Variants in DTL observed in about 807,000 individuals in gnomAD.
The protein encoded by DTL is denticleless protein homolog.
In DTL, 46 loss-of-function variants were observed where a neutral mutation model predicts 87.0. That is an observed-to-expected ratio of 0.53 (90% CI 0.42 to 0.68). The LOEUF (loss-of-function observed/expected upper bound fraction) is 0.68. Ranked by LOEUF, DTL falls within the 30% of genes least tolerant of loss-of-function variation. DTL has a pLI of 0.00. For synonymous variants in DTL, 308 were observed against 311.2 expected, an observed-to-expected ratio of 0.99 and a Z score of 0.11; for missense variants, 737 against 869.4, an observed-to-expected ratio of 0.85 and a Z score of 1.91.
intron 13 of DTL, among the ~76,000 whole-genome samples, chr1:212,092,041 T>G (rs1358856079): frequency 6.6e-6 from 1 of 152,200 alleles, no homozygotes; most frequent in Non-Finnish European, 1.5e-5. Flanking sequence ...AGTGGTGATT[T>G]CTGAAATTTG....
At chr1:212,051,647 T>C in intron 5 of DTL, 1 of 841,216 alleles carries the variant, frequency 1.2e-6, no homozygotes, top group Non-Finnish European at 2.0e-6. Flanking sequence ...TACCTTTCTC[T>C]TTGGCTTCTT....
chr1:212,064,869 C>A, intron 6 of DTL, 48 bp from the exon 7 acceptor site: 1 of 1,419,888 alleles, frequency 7.0e-7, no homozygotes, highest in Non-Finnish European at 1.0e-6. Context: ...ATGTTATATT[C>A]AGCATGTAAG....
At chr1:212,080,592 C>G in intron 12 of DTL, 23 bp from the exon 13 acceptor site, 1 of 1,593,638 alleles carries the variant, frequency 6.3e-7, no homozygotes, top group South Asian at 1.1e-5. Flanking sequence ...TTTCTTAATT[C>G]CCTTCTTGGT....
intron 7 of DTL, among the ~76,000 whole-genome samples, chr1:212,066,279 G>T (rs1233932014): frequency 1.3e-5 from 2 of 152,060 alleles, no homozygotes; most frequent in Non-Finnish European, 2.9e-5. Flanking sequence ...GCAGATAGTA[G>T]AGGCCATATG....
At chr1:212,068,112 C>G in intron 8 of DTL, 112 bp from the exon 9 acceptor site, 2 of 632,302 alleles carry the variant, frequency 3.2e-6, no homozygotes, top group South Asian at 4.3e-5. Context: ...CTTACTGTAC[C>G]TAGTTAATGT....
At chr1:212,098,461 A>G (rs755897262) in intron 13 of DTL, among the ~76,000 whole-genome samples, 8 of 152,038 alleles carry the variant, frequency 5.3e-5, no homozygotes, top group Non-Finnish European at 1.2e-4. Flanking sequence ...TTCTCAGGCA[A>G]TGAGCAGGGC....
intron 13 of DTL, among the ~76,000 whole-genome samples, chr1:212,090,479 GAAT>G (rs762246160): frequency 1.3e-5 from 2 of 152,210 alleles, no homozygotes; most frequent in African/African-American, 4.8e-5. Flanking sequence ...TTGTGACTGA[GAAT>G]AAATAAATAC....
chr1:212,102,346 A>T lies in DTL; in HGVS notation c.2095-496A>T, dbSNP rs749785427. Among the ~76,000 whole-genome samples the T allele has an allele frequency of 2.6e-5, 4 of 152,180 alleles. No individual in the cohort carries two copies. In the East Asian group the frequency reaches 7.7e-4, roughly 29 times the overall value. ...TAGCAGAAAAGTAGTTTCAATGAAA[A>T]ACTATTTTCACTGATACATAAATCT... On this transcript the variant is annotated intron_variant, in intron 14 of 14. Transcript: ENST00000366991.
chr1:212,060,773 T>C (rs1654264712), intron 5 of DTL, among the ~76,000 whole-genome samples: 1 of 149,852 alleles, frequency 6.7e-6, no homozygotes, highest in Non-Finnish European at 1.5e-5. Context: ...GTATAAAGAC[T>C]TAAATGTAAG....
intron 5 of DTL, among the ~76,000 whole-genome samples, chr1:212,050,870 A>C (rs1667950647): frequency 6.6e-6 from 1 of 152,090 alleles, no homozygotes; most frequent in African/African-American, 2.4e-5. Flanking sequence ...AAGGTTATTA[A>C]TTATCTAATT....
At chr1:212,049,524 G>A (rs754837950) in intron 5 of DTL, among the ~76,000 whole-genome samples, 6 of 152,182 alleles carry the variant, frequency 3.9e-5, no homozygotes, top group Non-Finnish European at 7.3e-5. Flanking sequence ...GTGACAATGA[G>A]CTGTAGAAGA....
At chr1:212,080,423 T>A in intron 12 of DTL, 192 bp from the exon 13 acceptor site, 9 of 517,878 alleles carry the variant, frequency 1.7e-5, no homozygotes, top group Non-Finnish European at 3.0e-5. Flanking sequence ...AAGAGTCAGC[T>A]TTGTTGGAAA....
In DTL at chr1:212,104,722, G is replaced by A. The variant is rs1447168937; in HGVS notation, c.*1782G>A. The A allele has an allele frequency of 6.6e-6, 1 of 152,154 alleles. No homozygotes were observed. Among genetic ancestry groups the A allele is most frequent in the East Asian group, 1.9e-4 (1 of 5,196 alleles). 9.4% of individuals were successfully genotyped at this position (152,154 alleles called of 1,614,324 possible). ...ATACCGAGTCTACTGGGTATAACATGTCTCACTTGGAAAGCTAGTACTTTT... is the reference window on the plus strand; with the variant it reads ...ATACCGAGTCTACTGGGTATAACATATCTCACTTGGAAAGCTAGTACTTTT... On this transcript the variant is annotated 3_prime_UTR_variant, in exon 15 of 15. Coordinates refer to ENST00000366991, the MANE Select transcript of DTL (RefSeq NM_016448.4).
At chr1:212,071,022 C>G (rs904552891) in intron 10 of DTL, among the ~76,000 whole-genome samples, 12 of 152,210 alleles carry the variant, frequency 7.9e-5, no homozygotes, top group Non-Finnish European at 1.6e-4. Context: ...AATAAAGGAG[C>G]TTGTTTATTT....
Position 212,065,969 on chromosome 1 carries a change from G to A in DTL, c.640-843G>A, listed in dbSNP as rs1034923305. Among the ~76,000 whole-genome samples the A allele has an allele frequency of 4.6e-5, 7 of 152,102 alleles. No individual in the cohort carries two copies. In the East Asian group the frequency reaches 7.7e-4, roughly 17 times the overall value. On this transcript the variant is annotated intron_variant, in intron 7 of 14. Transcript: ENST00000366991. Reference sequence around the variant, plus strand: ...AGCCTCCCAAAGTGCTGGGATTACCGATGTGAGCCACCACGCCTGGCCAGC... The same window carrying A: ...AGCCTCCCAAAGTGCTGGGATTACCAATGTGAGCCACCACGCCTGGCCAGC...
chr1:212,079,567 C>T (rs1654932918), intron 12 of DTL, among the ~76,000 whole-genome samples: 1 of 152,104 alleles, frequency 6.6e-6, no homozygotes, highest in African/African-American at 2.4e-5. Flanking sequence ...AATTCTAGCT[C>T]TTCCATTTGA....
intron 11 of DTL, among the ~76,000 whole-genome samples, chr1:212,076,026 A>G (rs1654820170): frequency 6.6e-6 from 1 of 152,194 alleles, no homozygotes; most frequent in African/African-American, 2.4e-5. Context: ...CATCCATGTT[A>G]TAGCATGTGT....
intron 2 of DTL, among the ~76,000 whole-genome samples, chr1:212,043,419 A>G (rs1202038266): frequency 3.3e-5 from 5 of 152,256 alleles, no homozygotes; most frequent in African/African-American, 1.2e-4. Context: ...CAGTAGATAC[A>G]TACCCTTTGA....
intron 1 of DTL, among the ~76,000 whole-genome samples, chr1:212,040,813 C>T (rs562027902): frequency 1.5e-3 from 229 of 152,312 alleles, no homozygotes; most frequent in African/African-American, 5.4e-3. Flanking sequence ...ATATCCTGGA[C>T]AGGTCAGGGT....
Sources: allele counts gnomAD v4.1 joint callset (sites outside exome capture counted in the v4.1 genomes callset), GRCh38; gene constraint gnomAD v4.1.1; transcripts MANE v1.5; gene names NCBI Gene and HGNC (gene_info 2026-07-23, HGNC 2026-07-21).